COG4: variants seen among roughly 807,000 people sequenced by gnomAD.
The protein encoded by COG4 is component of oligomeric golgi complex 4.
Under a neutral mutation model 95.1 loss-of-function variants are expected in COG4, and 65 were observed. The observed-to-expected ratio is 0.68, with a 90% CI of 0.56 to 0.84. The LOEUF is 0.84. Ranked by LOEUF, COG4 falls within the 40% of genes least tolerant of loss-of-function variation. COG4 has a pLI of 0.00. For synonymous variants in COG4, 421 were observed against 374.8 expected (o/e 1.12, Z -1.42); for missense variants, 1,045 against 989.1 (o/e 1.06, Z -0.76).
rs1160439266 is a variant in COG4, at chr16:70,482,728, C to T, written c.1920+1G>A. 2 of 1,613,432 alleles carry T rather than the reference C, an allele frequency of 1.2e-6. No individual in the cohort carries two copies. The highest frequency in any genetic ancestry group is 1.7e-6 in the Non-Finnish European group (2 of 1,179,514). On this transcript the variant is annotated splice_donor_variant, in intron 15 of 18. Transcript: ENST00000323786. LOFTEE classifies it high-confidence loss of function. ...TGATGGCTGCCTGTGGCCAGGCTAA[C>T]CTCCTCGATGTTGTGGGAGACGGAG...
intron 1 of COG4, among the ~76,000 whole-genome samples, chr16:70,522,466 A>G (rs888048564): frequency 6.6e-6 from 1 of 152,232 alleles, no homozygotes; most frequent in Non-Finnish European, 1.5e-5. Flanking sequence ...ATAACAAAAC[A>G]AAACAAAAAA....
Position 70,514,317 on chromosome 16 carries a change from A to T in COG4, c.544+18T>A. On this transcript the variant is annotated intron_variant, in intron 4 of 18. Coordinates refer to ENST00000323786, the MANE Select transcript of COG4 (RefSeq NM_015386.3). ...ATGATTTTAACTAAACTAAAAACCA[A>T]CAGTTTCGGATGCTGACCCTCTTTG... 1.2e-6 allele frequency: 2 copies of T among 1,613,722 alleles called. No homozygotes were observed. Among genetic ancestry groups the T allele is most frequent in the Non-Finnish European group, 1.7e-6 (2 of 1,179,658 alleles).
intron 8 of COG4, 67 bp downstream of exon 8, chr16:70,508,339 T>A (rs1377441198): frequency 1.4e-5 from 18 of 1,306,780 alleles, no homozygotes; most frequent in Non-Finnish European, 1.9e-5. Context: ...AACAGAGTAG[T>A]CTGAATTATA....
intron 17 of COG4, 95 bp from the exon 18 acceptor site, chr16:70,481,582 C>T: frequency 6.4e-7 from 1 of 1,573,584 alleles, no homozygotes; most frequent in East Asian, 2.2e-5. Flanking sequence ...GCCCGCCAGG[C>T]CTCAGGTGGT....
rs1236179635 is a variant in COG4 at position 70,505,404 on chromosome 16, G to A, written c.1061+3002C>T. 2.0e-5 allele frequency among the ~76,000 whole-genome samples: 3 copies of A among 150,148 alleles called. No individual in the cohort carries two copies. In the Middle Eastern group the frequency reaches 0.01, roughly 518 times the overall value. ...TTTTTAGTAGAGACAGGGTTTCACCGTGTTAGCCAGGATGGTCTTGATTTC... is the reference window on the plus strand; with the variant it reads ...TTTTTAGTAGAGACAGGGTTTCACCATGTTAGCCAGGATGGTCTTGATTTC... On this transcript the variant is annotated intron_variant, in intron 8 of 18. Transcript: ENST00000323786.
At chr16:70,514,535 A>T (rs759498553) in intron 3 of COG4, 26 bp from the exon 4 acceptor site, 1 of 1,608,708 alleles carries the variant, frequency 6.2e-7, no homozygotes, top group Non-Finnish European at 8.5e-7. Flanking sequence ...GTACTTACAA[A>T]CAATGTCCTA....
intron 2 of COG4, 80 bp downstream of exon 2, chr16:70,519,568 CA>C: frequency 3.0e-6 from 3 of 1,000,572 alleles, no homozygotes; most frequent in Non-Finnish European, 4.7e-6. Context: ...GTGTTTATAA[CA>C]GAAAGTTTAA....
At chr16:70,514,559 A>C in intron 3 of COG4, 50 bp from the exon 4 acceptor site, 1 of 1,537,124 alleles carries the variant, frequency 6.5e-7, no homozygotes, top group Non-Finnish European at 9.0e-7. Flanking sequence ...TTTCAAAAAC[A>C]CCCCTCAAGA....
At chr16:70,496,538 G>A (rs2049343842) in intron 11 of COG4, 107 bp from the exon 12 acceptor site, 2 of 1,154,560 alleles carry the variant, frequency 1.7e-6, no homozygotes, top group Admixed American at 1.9e-5. Flanking sequence ...TGCTCTTTTA[G>A]GGGGAATAAC....
intron 12 of COG4, among the ~76,000 whole-genome samples, chr16:70,492,103 T>G (rs1012071398): frequency 1.2e-4 from 18 of 152,192 alleles, no homozygotes; most frequent in Admixed American, 1.2e-3. Context: ...GAGCCAGGCT[T>G]AGAATTCGGG....
At chr16:70,500,663 T>G (rs966287388) in intron 9 of COG4, among the ~76,000 whole-genome samples, 2 of 152,146 alleles carry the variant, frequency 1.3e-5, no homozygotes, top group Non-Finnish European at 2.9e-5. Flanking sequence ...ACCTGGCCTA[T>G]GTACTCTTTA....
intron 17 of COG4, 123 bp from the exon 18 acceptor site, chr16:70,481,610 C>T: frequency 1.3e-6 from 2 of 1,488,830 alleles, no homozygotes; most frequent in Non-Finnish European, 1.9e-6. Context: ...GGTTTGTTTG[C>T]TCTACGGCTT....
At chr16:70,520,611 A>C (rs2049921609) in intron 1 of COG4, among the ~76,000 whole-genome samples, 1 of 142,774 alleles carries the variant, frequency 7.0e-6, no homozygotes, top group Non-Finnish European at 1.5e-5. Flanking sequence ...CAACCTGGGT[A>C]ACAAGAGTGA....
intron 8 of COG4, chr16:70,501,307 T>C: frequency 1.7e-6 from 1 of 582,806 alleles, no homozygotes; most frequent in Non-Finnish European, 3.1e-6. Context: ...ATTCACTCCC[T>C]AAAATTCTGC....
At position 70,480,999 on chromosome 16, in the gene COG4, C is replaced by A; in HGVS notation, c.*11G>T. 6.2e-7 allele frequency: 1 copy of A among 1,611,684 alleles called. No homozygotes were observed. The highest frequency in any genetic ancestry group is 1.1e-5 in the South Asian group (1 of 90,978). ...GCAAGTGTGATGAGCCAGGTGTGCTCATCCAGGCAGCTACAGGCGCAGCCT... is the reference window on the plus strand; with the variant it reads ...GCAAGTGTGATGAGCCAGGTGTGCTAATCCAGGCAGCTACAGGCGCAGCCT... On this transcript the variant is annotated 3_prime_UTR_variant, in exon 19 of 19. Transcript: ENST00000323786.
intron 1 of COG4, among the ~76,000 whole-genome samples, chr16:70,522,845 T>C (rs2049980165): frequency 6.6e-6 from 1 of 152,174 alleles, no homozygotes; most frequent in Admixed American, 6.5e-5. Flanking sequence ...ATTAGAGAAT[T>C]GTGTCTGAGT....
chr16:70,490,449 C>G, intron 12 of COG4, 57 bp from the exon 13 acceptor site: 1 of 1,399,916 alleles, frequency 7.1e-7, no homozygotes, highest in Non-Finnish European at 1.0e-6. Flanking sequence ...GCCACCCACT[C>G]CAATGCCAGA....
chr16:70,480,729 C>T lies in COG4; in HGVS notation c.*281G>A. On this transcript the variant is annotated 3_prime_UTR_variant, in exon 19 of 19. Transcript: ENST00000323786. ...GAGGGCAAGAGACTGACCATCCATG[C>T]AGAAAGCTGGCCTGGGCTGCTCGCT... 2.1e-6 allele frequency: 1 copy of T among 482,992 alleles called. No individual in the cohort carries two copies. Among genetic ancestry groups the T allele is most frequent in the Non-Finnish European group, 3.8e-6 (1 of 264,130 alleles). 29.9% of individuals were successfully genotyped at this position (482,992 alleles called of 1,614,324 possible).
Position 70,480,821 on chromosome 16 carries a change from G to A in COG4, c.*189C>T, listed in dbSNP as rs761551885. ...TCGGTGGGGAGATGCTGCCCCCAGA[G>A]CATCACCTGGCCAGGTCTGAGGGCA... On this transcript the variant is annotated 3_prime_UTR_variant, in exon 19 of 19. Coordinates refer to ENST00000323786, the MANE Select transcript of COG4 (RefSeq NM_015386.3). The A allele has an allele frequency of 1.5e-5, 10 of 649,312 alleles. No individual in the cohort carries two copies. Among genetic ancestry groups the A allele is most frequent in the Admixed American group, 1.4e-4 (5 of 35,626 alleles). 40.2% of individuals were successfully genotyped at this position (649,312 alleles called of 1,614,324 possible). A position where few individuals can be genotyped will look rare whatever the true frequency, so the allele number is the denominator to read the frequency against.
Sources: gnomAD v4.1 joint callset for allele counts (sites outside exome capture counted in the v4.1 genomes callset) on GRCh38, gnomAD v4.1.1 for gene constraint, MANE v1.5 for transcripts, NCBI Gene and HGNC (gene_info 2026-07-23, HGNC 2026-07-21) for gene names.